Variants in RORA observed in about 807,000 individuals in gnomAD.
The protein encoded by RORA is nuclear receptor ROR-alpha.
In RORA, 7 loss-of-function variants were observed where a neutral mutation model predicts 69.5. That is an observed-to-expected ratio of 0.10 (90% CI 0.06 to 0.19). The LOEUF (loss-of-function observed/expected upper bound fraction) is 0.19, where lower values mean the gene tolerates loss of function less well. Ranked by LOEUF, RORA falls within the 10% of genes least tolerant of loss-of-function variation. The pLI is 1.00. For synonymous variants in RORA, 261 were observed against 240.8 expected (o/e 1.08, Z -0.78); for missense variants, 457 against 663.0 (o/e 0.69, Z 3.41).
At chr15:60,879,290 G>GC (rs1555459669) in intron 1 of RORA, among the ~76,000 whole-genome samples, 1 of 149,816 alleles carries the variant, frequency 6.7e-6, no homozygotes, top group Non-Finnish European at 1.5e-5. Flanking sequence ...CCTTGGAGAA[G>GC]TTTTTTTTTT....
chr15:60,920,506 T>C (rs2140488801), intron 1 of RORA, among the ~76,000 whole-genome samples: 1 of 152,302 alleles, frequency 6.6e-6, no homozygotes, highest in African/African-American at 2.4e-5. Flanking sequence ...AGGTCTCTCT[T>C]AGGCCTAAAG....
chr15:61,021,688 T>A (rs952796955), intron 1 of RORA, among the ~76,000 whole-genome samples: 1 of 152,312 alleles, frequency 6.6e-6, no homozygotes, highest in South Asian at 2.1e-4. Flanking sequence ...ACAATTCTCT[T>A]CCTTAAAATC....
In RORA at chr15:60,640,211, C is replaced by G. The variant is rs148286340; in HGVS notation, c.196+38446G>C. 2.0e-3 allele frequency among the ~76,000 whole-genome samples: 312 copies of G among 152,262 alleles called. 1 individual carries two copies. Among genetic ancestry groups the G allele is most frequent in the African/African-American group, 7.4e-3 (308 of 41,526 alleles). Reference sequence around the variant, plus strand: ...ACTAAGTGCTCAGCATTTGTTGGCGCCCTTCCCCTTCTCCCCTTTTAGGCA... The same window carrying G: ...ACTAAGTGCTCAGCATTTGTTGGCGGCCTTCCCCTTCTCCCCTTTTAGGCA... On this transcript the variant is annotated intron_variant, in intron 2 of 10. Transcript: ENST00000335670.
intron 2 of RORA, among the ~76,000 whole-genome samples, chr15:60,590,569 T>C (rs949743170): frequency 6.6e-6 from 1 of 152,188 alleles, no homozygotes; most frequent in African/African-American, 2.4e-5. Context: ...AAGACTGGCA[T>C]TGACATCTTC....
chr15:60,602,882 C>T, intron 2 of RORA, among the ~76,000 whole-genome samples: 1 of 152,058 alleles, frequency 6.6e-6, no homozygotes, highest in East Asian at 1.9e-4. Context: ...AATTAAAAGA[C>T]ACAGAACAGT....
chr15:60,691,354 T>C lies in RORA; in HGVS notation c.167-12668A>G, dbSNP rs79464085. ...ATGTCTTCCCAACAATTTCAATTCT[T>C]GAAGCAGGGACTTCCCATCCTTGGT... On this transcript the variant is annotated intron_variant, in intron 1 of 10. Transcript: ENST00000335670. Among the ~76,000 whole-genome samples, 1,089 of 152,350 alleles carry C rather than the reference T, an allele frequency of 7.1e-3. 59 individuals are homozygous for C. The East Asian group carries it at 0.095, about 13-fold the overall frequency.
chr15:60,886,603 C>G (rs1194536014), intron 1 of RORA, among the ~76,000 whole-genome samples: 1 of 152,178 alleles, frequency 6.6e-6, no homozygotes, highest in South Asian at 2.1e-4. Context: ...AATATGTCAA[C>G]CCATTTGTTT....
intron 1 of RORA, among the ~76,000 whole-genome samples, chr15:60,694,426 G>T (rs1044313200): frequency 6.6e-6 from 1 of 152,144 alleles, no homozygotes; most frequent in African/African-American, 2.4e-5. Context: ...GCCTTGCAGC[G>T]TTAACTCTTT....
chr15:60,829,335 C>T (rs1443953659), intron 1 of RORA, among the ~76,000 whole-genome samples: 2 of 152,192 alleles, frequency 1.3e-5, no homozygotes, highest in African/African-American at 4.8e-5. Context: ...CGATTCCCTC[C>T]TCAGTCCCTG....
intron 1 of RORA, among the ~76,000 whole-genome samples, chr15:61,052,335 C>T (rs895508631): frequency 6.6e-6 from 1 of 152,208 alleles, no homozygotes; most frequent in African/African-American, 2.4e-5. Flanking sequence ...AAGAGGTCCA[C>T]TGGAAAGCTA....
chr15:60,995,377 C>G (rs922498105), intron 1 of RORA, among the ~76,000 whole-genome samples: 1 of 152,152 alleles, frequency 6.6e-6, no homozygotes, highest in Non-Finnish European at 1.5e-5. Context: ...TCGGCCAGCG[C>G]GAGGCCTCCT....
chr15:60,945,427 G>A (rs558203183), intron 1 of RORA, among the ~76,000 whole-genome samples: 2 of 152,116 alleles, frequency 1.3e-5, no homozygotes, highest in East Asian at 3.9e-4. Flanking sequence ...ATGAGCTCCC[G>A]TCAGGGGAAA....
chr15:61,081,003 A>C (rs1408533443), intron 1 of RORA, among the ~76,000 whole-genome samples: 1 of 152,210 alleles, frequency 6.6e-6, no homozygotes, highest in Non-Finnish European at 1.5e-5. Flanking sequence ...CTGGGTCCAG[A>C]GACATTTTGC....
At chr15:60,788,793 C>T (rs999479262) in intron 1 of RORA, among the ~76,000 whole-genome samples, 5 of 152,206 alleles carry the variant, frequency 3.3e-5, no homozygotes, top group Non-Finnish European at 5.9e-5. Context: ...AGGGTCAGAG[C>T]CCCCTTCCAT....
At chr15:60,802,346 C>A (rs2072595656) in intron 1 of RORA, among the ~76,000 whole-genome samples, 1 of 152,138 alleles carries the variant, frequency 6.6e-6, no homozygotes, top group African/African-American at 2.4e-5. Context: ...GAAGTGGTAG[C>A]CATTAGTATT....
At chr15:60,865,924 T>G (rs185501431) in intron 1 of RORA, among the ~76,000 whole-genome samples, 125 of 152,276 alleles carry the variant, frequency 8.2e-4, no homozygotes, top group African/African-American at 3.0e-3. Flanking sequence ...ATATTAAAAT[T>G]TTTTGGCCTA....
intron 1 of RORA, among the ~76,000 whole-genome samples, chr15:61,130,855 C>T (rs895178164): frequency 6.6e-6 from 1 of 152,146 alleles, no homozygotes; most frequent in Non-Finnish European, 1.5e-5. Flanking sequence ...ATTTAAAAAA[C>T]ATAGGGCTTC....
At chr15:60,653,301 G>GTGTGTGTT (rs2070172694) in intron 2 of RORA, among the ~76,000 whole-genome samples, 1 of 33,196 alleles carries the variant, frequency 3.0e-5, no homozygotes, top group Non-Finnish European at 5.6e-5. Flanking sequence ...GTGCATGCGT[G>GTGTGTGTT]TGTGTGTGTG....
intron 1 of RORA, among the ~76,000 whole-genome samples, chr15:60,836,730 A>G (rs567739747): frequency 6.6e-6 from 1 of 152,282 alleles, no homozygotes; most frequent in South Asian, 2.1e-4. Flanking sequence ...CCTGCAGGAA[A>G]GCTGAGAATC....
Sources: gnomAD v4.1 joint callset for allele counts (sites outside exome capture counted in the v4.1 genomes callset) on GRCh38, gnomAD v4.1.1 for gene constraint, MANE v1.5 for transcripts, NCBI Gene and HGNC (gene_info 2026-07-23, HGNC 2026-07-21) for gene names.